Variants in OVGP1 observed in about 807,000 individuals in gnomAD.
The protein encoded by OVGP1 is oviductal glycoprotein 1.
A neutral mutation model predicts 48.2 loss-of-function variants in OVGP1; 26 were observed. The observed-to-expected ratio is 0.54, with a 90% CI of 0.40 to 0.75. OVGP1 has a LOEUF of 0.75. OVGP1 is among the 30% of genes least tolerant of loss of function. The probability of loss-of-function intolerance (pLI) is 0.00; values close to 1 mark genes in which losing one functional copy is unlikely to be tolerated. For synonymous variants in OVGP1, 294 were observed against 305.7 expected (o/e 0.96, Z 0.40); for missense variants, 791 against 820.6 (o/e 0.96, Z 0.44).
chr1:111,421,713 G>T, intron 6 of OVGP1, 40 bp from the exon 7 acceptor site: 1 of 1,275,732 alleles, frequency 7.8e-7, no homozygotes, highest in Non-Finnish European at 1.1e-6. Context: ...GACTGGGCTA[G>T]CCAGATTTTC....
intron 10 of OVGP1, 108 bp downstream of exon 10, chr1:111,416,215 C>G (rs988290116): frequency 2.5e-6 from 3 of 1,220,216 alleles, no homozygotes; most frequent in Non-Finnish European, 3.3e-6. Context: ...TTTTCTCTCC[C>G]CTCAATGTCA....
At position 111,421,683 on chromosome 1, in the gene OVGP1, G is replaced by A; in HGVS notation, c.609-10C>T. 6.6e-7 allele frequency: 1 copy of A among 1,522,132 alleles called. No homozygotes were observed. The highest frequency in any genetic ancestry group is 9.1e-7 in the Non-Finnish European group (1 of 1,096,324). The allele number at this position is 1,522,132 out of a possible 1,614,324, so 94.3% of individuals were successfully genotyped here. On this transcript the variant is annotated splice_polypyrimidine_tract_variant and intron_variant, in intron 6 of 10. Coordinates refer to ENST00000369732, the MANE Select transcript of OVGP1 (RefSeq NM_002557.4). ...GATGAAATCCAGGAGTCTGTAAGGG[G>A]CAGGAGGAAGAGATATAAAGACTGG...
intron 6 of OVGP1, among the ~76,000 whole-genome samples, 172 bp downstream of exon 6, chr1:111,422,755 G>T (rs1412511572): frequency 6.6e-6 from 1 of 152,100 alleles, no homozygotes; most frequent in Non-Finnish European, 1.5e-5. Flanking sequence ...AGGGTATAAT[G>T]GAACTAGCCC....
chr1:111,421,197 T>C lies in OVGP1; in HGVS notation c.903+79A>G, dbSNP rs923826849. ...CTGTCTACAGCTCTCACCCTTGCCA[T>C]TGCCCCTTGTCCTGGCCTTTGCTCC... On this transcript the variant is annotated intron_variant, in intron 8 of 10. Coordinates refer to ENST00000369732, the MANE Select transcript of OVGP1 (RefSeq NM_002557.4). The C allele has an allele frequency of 6.6e-6, 9 of 1,356,902 alleles. No individual in the cohort carries two copies. The African/African-American group carries it at 1.2e-4, about 18-fold the overall frequency. 84.1% of individuals were successfully genotyped at this position (1,356,902 alleles called of 1,614,324 possible).
intron 5 of OVGP1, among the ~76,000 whole-genome samples, 174 bp from the exon 6 acceptor site, chr1:111,423,225 T>C (rs1652317211): frequency 6.6e-6 from 1 of 151,976 alleles, no homozygotes. Context: ...AGGGCTGATG[T>C]GGTTAATGAT....
Position 111,415,068 on chromosome 1 carries a change from GTCATT to G in OVGP1, c.1428_1432del (p.Met477HisfsTer77). On this transcript the variant is annotated frameshift_variant, in exon 11 of 11. Coordinates refer to ENST00000369732, the MANE Select transcript of OVGP1 (RefSeq NM_002557.4). LOFTEE classifies it low-confidence loss of function (END_TRUNC). Reference sequence around the variant, plus strand: ...GGACTGATGACCCACAGAAGTCATGGTCATTGCCCCAGTGATCTCAGTCTTCTCTC... The same window carrying G: ...GGACTGATGACCCACAGAAGTCATGGGCCCCAGTGATCTCAGTCTTCTCTC... 1 of 1,614,186 alleles carries G rather than the reference GTCATT, an allele frequency of 6.2e-7. No individual in the cohort carries two copies. The highest frequency in any genetic ancestry group is 1.1e-5 in the South Asian group (1 of 91,086).
Position 111,414,483 on chromosome 1 carries a change from GC to G in OVGP1, c.2017del (p.Ala673LeufsTer24). ...SLKKEIPENS[A>X]VDEEA ...AGGGGCTTAGGCTTCTTCATCCACA[GC>G]AGAGTTTTCTGGGATTTCTTTTTTT... On this transcript the variant is annotated frameshift_variant, in exon 11 of 11. Coordinates refer to ENST00000369732, the MANE Select transcript of OVGP1 (RefSeq NM_002557.4). LOFTEE classifies it high-confidence loss of function. 6.2e-7 allele frequency: 1 copy of G among 1,612,760 alleles called. No homozygotes were observed. The highest frequency in any genetic ancestry group is 1.7e-4 in the Middle Eastern group (1 of 6,052).
intron 10 of OVGP1, 37 bp from the exon 11 acceptor site, chr1:111,415,381 C>A: frequency 6.4e-7 from 1 of 1,557,618 alleles, no homozygotes; most frequent in South Asian, 1.2e-5. Context: ...AGATTCCTAC[C>A]ACTTCATTCT....
intron 8 of OVGP1, among the ~76,000 whole-genome samples, chr1:111,420,588 A>G (rs554432883): frequency 6.6e-6 from 1 of 152,274 alleles, no homozygotes; most frequent in South Asian, 2.1e-4. Flanking sequence ...CTGTGCTTCA[A>G]ACTCTGCTCA....
chr1:111,421,226 T>C, intron 8 of OVGP1, 50 bp downstream of exon 8: 1 of 1,522,578 alleles, frequency 6.6e-7, no homozygotes, highest in Non-Finnish European at 8.9e-7. Context: ...TTGCTCCAGC[T>C]GGGGGTGGGA....
intron 4 of OVGP1, among the ~76,000 whole-genome samples, chr1:111,424,234 G>GCCTGTGTTCTGATAACGGGATCCTGAT (rs1553193246): frequency 8.5e-5 from 13 of 152,224 alleles, no homozygotes; most frequent in African/African-American, 2.9e-4. Context: ...GGCACAAGAG[G>GCCTGTGTTCTGATAACGGGATCCTGAT]CCTGTGTTCT....
rs2101725464 is a variant in OVGP1, at chr1:111,420,477, C to A, written c.904-751G>T. On this transcript the variant is annotated intron_variant, in intron 8 of 10. Coordinates refer to ENST00000369732, the MANE Select transcript of OVGP1 (RefSeq NM_002557.4). The stretch of plus-strand genomic sequence containing the variant: ...GCAGAGATTGGAGAGACTTGCAGCA[C>A]CTCCACTACTGCCTAAAGTACTCAC... Among the ~76,000 whole-genome samples, 2 of 152,326 alleles carry A rather than the reference C, an allele frequency of 1.3e-5. 1 individual carries two copies. The highest frequency in any genetic ancestry group is 6.8e-3 in the Middle Eastern group (2 of 294).
At position 111,425,237 on chromosome 1, in the gene OVGP1, G is replaced by A. The variant is rs139647795; in HGVS notation, c.317+146C>T. On this transcript the variant is annotated intron_variant, in intron 4 of 10. Coordinates refer to ENST00000369732, the MANE Select transcript of OVGP1 (RefSeq NM_002557.4). ...GAGAAGAGGCCAGGATATCCCTTGAGTGCAGGGGTCTAAGATTCATGAGTT... is the reference window on the plus strand; with the variant it reads ...GAGAAGAGGCCAGGATATCCCTTGAATGCAGGGGTCTAAGATTCATGAGTT... The A allele has an allele frequency of 2.4e-4, 203 of 846,866 alleles. 1 individual carries two copies. In the African/African-American group the frequency reaches 2.5e-3, roughly 10 times the overall value. The allele number at this position is 846,866 out of a possible 1,614,324, so 52.5% of individuals were successfully genotyped here.
At position 111,414,972 on chromosome 1, in the gene OVGP1, G is replaced by A; in HGVS notation, c.1529C>T (p.Thr510Ile). ...GGTCACAGACTGATAACCCACAGAG[G>A]TCAGGGTCTTCTGTCCAGTGGTCAC... ...QSVTTGQKTL[T>I]SVGYQSVTPG... Residue 510 changes from threonine (T) to isoleucine (I), a missense_variant, in exon 11 of 11, where the codon ACC (threonine) becomes ATC (isoleucine). By Grantham distance (89) the Thr-to-Ile change is moderately conservative (BLOSUM62 -1). Transcript: ENST00000369732. The A allele has an allele frequency of 1.2e-5, 18 of 1,549,556 alleles. No individual in the cohort carries two copies. The highest frequency in any genetic ancestry group is 1.6e-5 in the Non-Finnish European group (18 of 1,138,364).
chr1:111,427,050 C>CA lies in OVGP1; in HGVS notation c.55+11dup. 6.2e-7 allele frequency: 1 copy of CA among 1,614,128 alleles called. No individual in the cohort carries two copies. The highest frequency in any genetic ancestry group is 8.5e-7 in the Non-Finnish European group (1 of 1,179,988). ...CTCCCTGGCTCTGGAAGGGAAAACA[C>CA]AGTTTCCTTACCATCGTGGTGTTTC... On this transcript the variant is annotated intron_variant, in intron 2 of 10. Coordinates refer to ENST00000369732, the MANE Select transcript of OVGP1 (RefSeq NM_002557.4).
chr1:111,423,429 T>C (rs543059039), intron 5 of OVGP1, 114 bp downstream of exon 5: 2 of 1,156,680 alleles, frequency 1.7e-6, no homozygotes, highest in African/African-American at 1.5e-5. Context: ...TAAAAGAACA[T>C]TCTGTCACCC....
intron 8 of OVGP1, among the ~76,000 whole-genome samples, chr1:111,420,784 T>C (rs1254409205): frequency 2.6e-5 from 4 of 152,094 alleles, no homozygotes; most frequent in Non-Finnish European, 5.9e-5. Context: ...CTGTAGTAGA[T>C]AATGTCTTGG....
In OVGP1 at chr1:111,414,726, A is replaced by C; in HGVS notation, c.1775T>G (p.Leu592Ter). The change falls in exon 11 of 11, where the codon TTA becomes TGA. Residue 592 changes from leucine (L) to a stop codon, truncating the protein, a stop_gained. Transcript: ENST00000369732. LOFTEE classifies it low-confidence loss of function (END_TRUNC). ...SVTPEGQTMPLRGENLTSEVG... is the reference protein window; with the variant it reads ...SVTPEGQTMP Reference sequence around the variant, plus strand: ...CTCAGAAGTCAAATTCTCCCCTCTTAAAGGCATAGTCTGCCCTTCAGGGGT... The same window carrying C: ...CTCAGAAGTCAAATTCTCCCCTCTTCAAGGCATAGTCTGCCCTTCAGGGGT... The C allele has an allele frequency of 6.2e-7, 1 of 1,613,820 alleles. No individual in the cohort carries two copies. The highest frequency in any genetic ancestry group is 8.5e-7 in the Non-Finnish European group (1 of 1,179,724).
At chr1:111,425,703 C>G (rs931206985) in intron 3 of OVGP1, among the ~76,000 whole-genome samples, 1 of 152,188 alleles carries the variant, frequency 6.6e-6, no homozygotes, top group South Asian at 2.1e-4. Context: ...CGCGCATGTC[C>G]CTATGATGCT....
Sources: gnomAD v4.1 joint callset for allele counts (sites outside exome capture counted in the v4.1 genomes callset) on GRCh38, gnomAD v4.1.1 for gene constraint, MANE v1.5 for transcripts, NCBI Gene and HGNC (gene_info 2026-07-23, HGNC 2026-07-21) for gene names.